CPSF4: variants seen among roughly 807,000 people sequenced by gnomAD.
The protein encoded by CPSF4 is cleavage and polyadenylation specific factor 4, also known as cleavage and polyadenylation specificity factor subunit 4.
A neutral mutation model predicts 37.7 loss-of-function variants in CPSF4; 11 were observed. That is an observed-to-expected ratio of 0.29 (90% CI 0.18 to 0.48). CPSF4 has a LOEUF of 0.48. Ranked by LOEUF, CPSF4 falls within the 20% of genes least tolerant of loss-of-function variation. The pLI, the probability that CPSF4 is intolerant of heterozygous loss-of-function variation, is 0.99. For missense variants in CPSF4, 144 were observed against 359.5 expected (o/e 0.40, Z 4.85); for synonymous variants, 132 against 135.9 (o/e 0.97, Z 0.20).
chr7:99,447,972 G>C (rs1159560258), intron 2 of CPSF4, 149 bp from the exon 3 acceptor site: 7 of 682,560 alleles, frequency 1.0e-5, no homozygotes. Flanking sequence ...GTTGCCTTCT[G>C]TGAGGGGGAC....
rs1258933375 is a variant in CPSF4 at position 99,443,025 on chromosome 7, AT to A, written c.104-1762del. The A allele has an allele frequency of 3.7e-6, 5 of 1,367,962 alleles. No homozygotes were observed. The African/African-American group carries it at 7.1e-5, about 19-fold the overall frequency. The allele number at this position is 1,367,962 out of a possible 1,614,324, so 84.7% of individuals were successfully genotyped here. On this transcript the variant is annotated intron_variant, in intron 1 of 7. Transcript: ENST00000292476. ...CTTATCATCTTCAGACTTTCTGGAA[AT>A]TGAAGAGACATTCAAACCAAATCTT...
intron 5 of CPSF4, among the ~76,000 whole-genome samples, chr7:99,451,429 A>AC (rs1408923891): frequency 1.3e-5 from 2 of 151,954 alleles, no homozygotes; most frequent in African/African-American, 2.4e-5. Flanking sequence ...ATATGGTGAA[A>AC]CCCCGTCTCT....
intron 3 of CPSF4, among the ~76,000 whole-genome samples, chr7:99,449,816 T>C (rs895494625): frequency 1.3e-5 from 2 of 152,128 alleles, no homozygotes; most frequent in Admixed American, 6.5e-5. Flanking sequence ...GGGCTGGTCC[T>C]GGTACAGGGG....
At chr7:99,452,464 TAGGA>T (rs1797999480) in intron 6 of CPSF4, 24 bp downstream of exon 6, 2 of 1,601,726 alleles carry the variant, frequency 1.2e-6, no homozygotes, top group Non-Finnish European at 1.7e-6. Context: ...CCTTCCTCGG[TAGGA>T]AGGAAGTGCC....
At chr7:99,446,099 A>G (rs922424185) in intron 2 of CPSF4, among the ~76,000 whole-genome samples, 1 of 152,144 alleles carries the variant, frequency 6.6e-6, no homozygotes, top group Non-Finnish European at 1.5e-5. Context: ...GTCATTTACC[A>G]CTGAGGTAGG....
In CPSF4 at chr7:99,448,239, C is replaced by T; in HGVS notation, c.273C>T (p.Thr91=). Residue 91 remains threonine (T), a synonymous_variant, in exon 3 of 8, where the codon ACC becomes ACT. Transcript: ENST00000292476. The surrounding 1 kb of genome is among the most constrained non-coding windows in gnomAD (Gnocchi z 4.4). ...AGTTCCTGCATGAGTATGACATGACCAAGATGCCCGAGTGCTACTTCTACT... is the reference window on the plus strand; with the variant it reads ...AGTTCCTGCATGAGTATGACATGACTAAGATGCCCGAGTGCTACTTCTACT... ...QCEFLHEYDM[T]KMPECYFYSK... The T allele has an allele frequency of 1.2e-6, 2 of 1,614,116 alleles. No homozygotes were observed. The highest frequency in any genetic ancestry group is 1.7e-6 in the Non-Finnish European group (2 of 1,180,008).
chr7:99,439,336 C>T (rs1407301273), intron 1 of CPSF4, 151 bp downstream of exon 1: 2 of 572,540 alleles, frequency 3.5e-6, no homozygotes, highest in Non-Finnish European at 6.0e-6. Flanking sequence ...AGGACTCCTC[C>T]CTCTAGGTCT....
In CPSF4 at chr7:99,438,993, A is replaced by C. The variant is rs1452932899; in HGVS notation, c.-90A>C. The C allele has an allele frequency of 2.4e-5, 30 of 1,259,264 alleles. No individual in the cohort carries two copies. Among genetic ancestry groups the C allele is most frequent in the African/African-American group, 2.2e-4 (14 of 62,416 alleles). The allele number at this position is 1,259,264 out of a possible 1,614,324, so 78.0% of individuals were successfully genotyped here. ...CGGCGGCGAGGCGAAGCGAAGGAGG[A>C]GTGTGTGCGGCGGGGCCGGCGGCGG... On this transcript the variant is annotated 5_prime_UTR_variant, in exon 1 of 8. Transcript: ENST00000292476.
chr7:99,454,277 T>A, intron 7 of CPSF4, 141 bp downstream of exon 7: 1 of 794,192 alleles, frequency 1.3e-6, no homozygotes, highest in Non-Finnish European at 2.0e-6. Flanking sequence ...ACAGTCTAGT[T>A]ACCATCCACT....
Position 99,439,100 on chromosome 7 carries a change from C to T in CPSF4, c.18C>T (p.Ala6=), listed in dbSNP as rs143049283. Residue 6 remains alanine (A), a synonymous_variant, in exon 1 of 8, where the codon GCC becomes GCT. Coordinates refer to ENST00000292476, the MANE Select transcript of CPSF4 (RefSeq NM_006693.4). The part of the protein sequence containing the change: MQEII[A]SVDHIKFDLE... Reference sequence around the variant, plus strand: ...CCGCCGCCATGCAGGAAATCATCGCCAGCGTGGACCACATCAAGTTTGACT... The same window carrying T: ...CCGCCGCCATGCAGGAAATCATCGCTAGCGTGGACCACATCAAGTTTGACT... 21 of 1,610,552 alleles carry T rather than the reference C, an allele frequency of 1.3e-5. No individual in the cohort carries two copies. In the African/African-American group the frequency reaches 2.4e-4, roughly 18 times the overall value.
chr7:99,453,825 A>G lies in CPSF4; in HGVS notation c.571-141A>G, dbSNP rs906114056. The G allele has an allele frequency of 5.7e-6, 4 of 705,026 alleles. No homozygotes were observed. In the African/African-American group the frequency reaches 7.1e-5, roughly 13 times the overall value. 43.7% of individuals were successfully genotyped at this position (705,026 alleles called of 1,614,324 possible). A position where few individuals can be genotyped will look rare whatever the true frequency, so the allele number is the denominator to read the frequency against. On this transcript the variant is annotated intron_variant, in intron 6 of 7. Coordinates refer to ENST00000292476, the MANE Select transcript of CPSF4 (RefSeq NM_006693.4). This position sits in a 1 kb window ranked among gnomAD's most constrained non-coding sequence, Gnocchi z 4.7. ...ATCACCACATGTTTCTCTGCTGCCC[A>G]CTGTCCTGAGGTGGGCCGTCGTGGA...
At chr7:99,442,936 C>G in intron 1 of CPSF4, 1 of 1,572,674 alleles carries the variant, frequency 6.4e-7, no homozygotes, top group South Asian at 1.1e-5. Context: ...TCTGTATCCT[C>G]TGTGGTTCCA....
intron 5 of CPSF4, among the ~76,000 whole-genome samples, chr7:99,452,018 G>A (rs112469353): frequency 1.3e-5 from 2 of 152,194 alleles, no homozygotes; most frequent in South Asian, 2.1e-4. Flanking sequence ...CCTGCGGGGA[G>A]GGGGGCTTCC....
chr7:99,449,859 G>C (rs45469701), intron 3 of CPSF4, among the ~76,000 whole-genome samples: 1,627 of 152,280 alleles, frequency 0.011, 17 homozygotes, highest in African/African-American at 0.037. Context: ...CAGAGGCTGA[G>C]CCTGCGGAGG....
chr7:99,445,686 C>G (rs1390170960), intron 2 of CPSF4, among the ~76,000 whole-genome samples: 2 of 152,126 alleles, frequency 1.3e-5, no homozygotes, highest in Non-Finnish European at 2.9e-5. Flanking sequence ...GAGTTTGAGA[C>G]CAGCCTGGCC....
chr7:99,440,976 GT>G (rs1796930041), intron 1 of CPSF4, among the ~76,000 whole-genome samples: 1 of 137,338 alleles, frequency 7.3e-6, no homozygotes, highest in Non-Finnish European at 1.5e-5. Context: ...TTGAGACAGA[GT>G]TTTGCTTTTG....
At position 99,438,996 on chromosome 7, in the gene CPSF4, G is replaced by T; in HGVS notation, c.-87G>T. 7.2e-7 allele frequency: 1 copy of T among 1,397,216 alleles called. No homozygotes were observed. Among genetic ancestry groups the T allele is most frequent in the Non-Finnish European group, 9.4e-7 (1 of 1,058,390 alleles). 86.6% of individuals were successfully genotyped at this position (1,397,216 alleles called of 1,614,324 possible). Reference sequence around the variant, plus strand: ...CGGCGAGGCGAAGCGAAGGAGGAGTGTGTGCGGCGGGGCCGGCGGCGGGTA... The same window carrying T: ...CGGCGAGGCGAAGCGAAGGAGGAGTTTGTGCGGCGGGGCCGGCGGCGGGTA... On this transcript the variant is annotated 5_prime_UTR_variant, in exon 1 of 8. Transcript: ENST00000292476.
rs749791067 is a variant in CPSF4, at chr7:99,452,445, C to G, written c.570+5C>G. On this transcript the variant is annotated splice_donor_5th_base_variant and intron_variant, in intron 6 of 7. Transcript: ENST00000292476. ...CAGACACAGCCTCCAGCAAAGGTAC[C>G]GTGCCTGGCCTTCCTCGGTAGGAAG... 1.2e-6 allele frequency: 2 copies of G among 1,613,046 alleles called. No individual in the cohort carries two copies. Among genetic ancestry groups the G allele is most frequent in the African/African-American group, 2.7e-5 (2 of 74,868 alleles).
chr7:99,451,088 GA>G, intron 5 of CPSF4: 1 of 297,316 alleles, frequency 3.4e-6, no homozygotes, highest in East Asian at 6.0e-5. Context: ...ATCATTTAGG[GA>G]ATTTGGGGAC....
Sources: allele counts gnomAD v4.1 joint callset (sites outside exome capture counted in the v4.1 genomes callset), GRCh38; gene constraint gnomAD v4.1.1; non-coding constraint Gnocchi (gnomAD v3.1); transcripts MANE v1.5; gene names NCBI Gene and HGNC (gene_info 2026-07-23, HGNC 2026-07-21).